The following PRKCH variants were observed in gnomAD, a reference collection of about 807,000 sequenced individuals.
PRKCH encodes protein kinase C eta.
Under a neutral mutation model 82.5 loss-of-function variants are expected in PRKCH, and 28 were observed. The ratio of observed to expected loss-of-function variants is 0.34; its 90% CI spans 0.25 to 0.47. The LOEUF (loss-of-function observed/expected upper bound fraction) is 0.47, where lower values mean the gene tolerates loss of function less well. Ranked by LOEUF, PRKCH falls within the 20% of genes least tolerant of loss-of-function variation. PRKCH has a pLI of 1.00. For synonymous variants in PRKCH, 322 were observed against 327.4 expected, an observed-to-expected ratio of 0.98 and a Z score of 0.18; for missense variants, 705 against 881.8, an observed-to-expected ratio of 0.80 and a Z score of 2.54.
chr14:61,505,390 C>CTTTT (rs1333577962), intron 10 of PRKCH, among the ~76,000 whole-genome samples: 6 of 74,758 alleles, frequency 8.0e-5, no homozygotes, highest in East Asian at 4.9e-4. Flanking sequence ...CTTTTCTTTT[C>CTTTT]TTTTCTTTTT....
chr14:61,421,167 G>T (rs1882816236), intron 2 of PRKCH, among the ~76,000 whole-genome samples: 1 of 151,364 alleles, frequency 6.6e-6, no homozygotes. Flanking sequence ...GAGTTCCCAG[G>T]ATGCTTTTTG....
At chr14:61,304,356 C>T (rs934428442) in intron 1 of PRKCH, 1 of 152,112 alleles carries the variant, frequency 6.6e-6, no homozygotes, top group Admixed American at 6.5e-5. Context: ...ATTTACACGT[C>T]TACTTACCAT....
chr14:61,435,933 T>C (rs1883658985), intron 2 of PRKCH, among the ~76,000 whole-genome samples: 1 of 152,210 alleles, frequency 6.6e-6, no homozygotes, highest in Admixed American at 6.5e-5. Context: ...AGAGCTGTTA[T>C]TGGAGCCAAG....
chr14:61,340,012 ATCTT>A (rs1432900842), intron 1 of PRKCH, among the ~76,000 whole-genome samples: 4 of 151,764 alleles, frequency 2.6e-5, no homozygotes, highest in African/African-American at 9.7e-5. Context: ...ACATACCCAA[ATCTT>A]TCTGAGCACT....
Position 61,210,772 on chromosome 14 carries a change from C to CTGTGTG in PRKCH, c.-19+23105_-19+23106insGTGTGT, listed in dbSNP as rs1249726064. On this transcript the variant is annotated intron_variant, in intron 1 of 3. Transcript: ENST00000555185. The stretch of plus-strand genomic sequence containing the variant: ...GAGTCCTTTCTCTCTCTCTCTCTCT[C>CTGTGTG]TCTCTCTCTCTCTCTCTCTGTGTGT... Among the ~76,000 whole-genome samples the CTGTGTG allele has an allele frequency of 8.4e-4, 114 of 135,270 alleles. 3 individuals carry two copies. The East Asian group carries it at 0.023, about 28-fold the overall frequency. The allele number at this position is 135,270 out of a possible 152,430, so 88.7% of individuals were successfully genotyped here.
At chr14:61,267,253 C>A (rs970217012) in intron 1 of PRKCH, among the ~76,000 whole-genome samples, 46 of 152,182 alleles carry the variant, frequency 3.0e-4, no homozygotes, top group African/African-American at 1.1e-3. Context: ...TGGTCATCAA[C>A]TTCGCATACT....
chr14:61,288,321 C>T (rs1020338987), intron 1 of PRKCH, among the ~76,000 whole-genome samples: 5 of 152,144 alleles, frequency 3.3e-5, no homozygotes, highest in South Asian at 2.1e-4. Flanking sequence ...TCTTGAACTC[C>T]TGAACTCAAG....
At chr14:61,232,517 G>A (rs914322057) in intron 1 of PRKCH, among the ~76,000 whole-genome samples, 54 of 152,306 alleles carry the variant, frequency 3.5e-4, no homozygotes, top group African/African-American at 1.3e-3. Flanking sequence ...CACCGTGCCC[G>A]GCCAGGATAT....
intron 12 of PRKCH, among the ~76,000 whole-genome samples, chr14:61,547,273 C>T (rs117409171): frequency 3.0e-4 from 45 of 152,180 alleles, no homozygotes; most frequent in African/African-American, 9.4e-4. Context: ...TCAAAAATAA[C>T]GACTCTCTCT....
intron 1 of PRKCH, among the ~76,000 whole-genome samples, chr14:61,210,111 A>AACATATATAT (rs1475194510): frequency 1.1e-5 from 1 of 87,366 alleles, no homozygotes; most frequent in African/African-American, 3.9e-5. Flanking sequence ...CAAACAAACA[A>AACATATATAT]ATATATATAT....
intron 1 of PRKCH, among the ~76,000 whole-genome samples, chr14:61,374,939 G>A (rs2046411273): frequency 6.6e-6 from 1 of 151,964 alleles, no homozygotes; most frequent in African/African-American, 2.4e-5. Flanking sequence ...CTACTGCATG[G>A]TTGTACTGCA....
intron 9 of PRKCH, among the ~76,000 whole-genome samples, chr14:61,471,970 T>G (rs576025686): frequency 3.1e-4 from 47 of 152,322 alleles, no homozygotes; most frequent in African/African-American, 1.1e-3. Context: ...TATGAAAATA[T>G]AAGCGTTATT....
chr14:61,271,830 C>T (rs1231615834), intron 1 of PRKCH, among the ~76,000 whole-genome samples: 1 of 152,236 alleles, frequency 6.6e-6, no homozygotes, highest in Non-Finnish European at 1.5e-5. Context: ...AGCTGGAAAC[C>T]TGGCTGTCCC....
chr14:61,439,410 C>CA (rs1883842988), intron 2 of PRKCH, among the ~76,000 whole-genome samples: 1 of 152,078 alleles, frequency 6.6e-6, no homozygotes, highest in Non-Finnish European at 1.5e-5. Context: ...AAATGTCTTG[C>CA]AAAGTCCCAG....
At chr14:61,385,123 G>T (rs1023999135) in intron 1 of PRKCH, among the ~76,000 whole-genome samples, 6 of 151,294 alleles carry the variant, frequency 4.0e-5, no homozygotes, top group African/African-American at 1.5e-4. Context: ...GGGTTAGTGT[G>T]TTTATTGCTC....
At chr14:61,281,267 A>G (rs1442869345) in intron 1 of PRKCH, 2 of 550,488 alleles carry the variant, frequency 3.6e-6, no homozygotes, top group Middle Eastern at 5.7e-4. Context: ...CCGCCAGCTC[A>G]GGTGGGTTTT....
chr14:61,500,956 G>A (rs1446465273), intron 10 of PRKCH, among the ~76,000 whole-genome samples: 2 of 152,132 alleles, frequency 1.3e-5, no homozygotes, highest in Non-Finnish European at 2.9e-5. Flanking sequence ...TGATTGCATG[G>A]AACAGCATGA....
intron 9 of PRKCH, among the ~76,000 whole-genome samples, chr14:61,465,185 C>G (rs1168668684): frequency 2.6e-5 from 4 of 152,232 alleles, no homozygotes; most frequent in Non-Finnish European, 5.9e-5. Flanking sequence ...TGTCTCTTCA[C>G]TCTGTTGATT....
intron 1 of PRKCH, among the ~76,000 whole-genome samples, chr14:61,296,540 C>T (rs921185672): frequency 6.6e-6 from 1 of 152,156 alleles, no homozygotes; most frequent in African/African-American, 2.4e-5. Context: ...GCTTCACTTT[C>T]TTTCTCTAAA....
Sources: allele counts gnomAD v4.1 joint callset (sites outside exome capture counted in the v4.1 genomes callset), GRCh38; gene constraint gnomAD v4.1.1; transcripts MANE v1.5; gene names NCBI Gene and HGNC (gene_info 2026-07-23, HGNC 2026-07-21).